MAP2K2: variants seen among roughly 807,000 people sequenced by gnomAD.
MAP2K2 encodes dual specificity mitogen-activated protein kinase kinase 2.
A neutral mutation model predicts 43.7 loss-of-function variants in MAP2K2; 24 were observed. That is an observed-to-expected ratio of 0.55 (90% confidence interval 0.40 to 0.77). The LOEUF is 0.77. Ranked by LOEUF, MAP2K2 falls within the 30% of genes least tolerant of loss-of-function variation. The pLI is 0.00. For missense variants in MAP2K2, 470 were observed against 566.8 expected (o/e 0.83, Z 1.73); for synonymous variants, 244 against 239.7 (o/e 1.02, Z -0.17).
At chr19:4,094,177 G>GCGGGAC (rs976352820) in intron 10 of MAP2K2, among the ~76,000 whole-genome samples, 2 of 152,200 alleles carry the variant, frequency 1.3e-5, no homozygotes, top group Non-Finnish European at 2.9e-5. Flanking sequence ...TCCTGTGGGT[G>GCGGGAC]CGGGACCAGC....
At chr19:4,106,781 T>C (rs2041090096) in intron 3 of MAP2K2, among the ~76,000 whole-genome samples, 1 of 152,264 alleles carries the variant, frequency 6.6e-6, no homozygotes, top group East Asian at 1.9e-4. Context: ...TCCCATTCAG[T>C]ACACCATTGT....
At position 4,106,708 on chromosome 19, in the gene MAP2K2, T is replaced by C. The variant is rs1256490857; in HGVS notation, c.450+3801A>G. ...AACGTGAGCCACTGCACCCAGCCCA[T>C]GCTATGTTTATTTTCTACAACCACC... On this transcript the variant is annotated intron_variant, in intron 3 of 10. Transcript: ENST00000262948. Among the ~76,000 whole-genome samples the C allele has an allele frequency of 3.3e-5, 5 of 152,078 alleles. No individual in the cohort carries two copies. The Middle Eastern group carries it at 0.01, about 310-fold the overall frequency.
At position 4,099,297 on chromosome 19, in the gene MAP2K2, G is replaced by A. The variant is rs145934142; in HGVS notation, c.823C>T (p.Leu275=). The change falls in exon 7 of 11, where the codon CTG becomes TTG. Residue 275 remains leucine, a synonymous_variant. Transcript: ENST00000262948. ...ACGGGCCGGCCAAAGATGGCCTCCA[G>A]CTCTTTGGCGTCGGGCGGGGGGATG... ...YPIPPPDAKE[L]EAIFGRPVVD... 188 of 1,607,452 alleles carry A rather than the reference G, an allele frequency of 1.2e-4. 2 individuals are homozygous for A. The African/African-American group carries it at 1.7e-3, about 14-fold the overall frequency.
chr19:4,111,137 G>A (rs1413268286), intron 2 of MAP2K2, among the ~76,000 whole-genome samples: 2 of 152,170 alleles, frequency 1.3e-5, no homozygotes, highest in Non-Finnish European at 2.9e-5. Flanking sequence ...GCTGGAGGAG[G>A]GGATGGGGGT....
chr19:4,112,490 G>C (rs2041166359), intron 2 of MAP2K2, among the ~76,000 whole-genome samples: 1 of 152,218 alleles, frequency 6.6e-6, no homozygotes, highest in African/African-American at 2.4e-5. Flanking sequence ...AGGGCAGCAG[G>C]AGGCTGACCG....
rs540973402 is a variant in MAP2K2, at chr19:4,100,024, C to A, written c.706-610G>T. On this transcript the variant is annotated intron_variant, in intron 6 of 10. Transcript: ENST00000262948. ...CAGCACTTTGGGAGGCCGAGGCGGGCGGATCACAAGGTCAGATTGAGACCA... is the reference window on the plus strand; with the variant it reads ...CAGCACTTTGGGAGGCCGAGGCGGGAGGATCACAAGGTCAGATTGAGACCA... 280 of 156,322 alleles carry A rather than the reference C, an allele frequency of 1.8e-3. 1 individual carries two copies. Among genetic ancestry groups the A allele is most frequent in the African/African-American group, 6.4e-3 (264 of 41,298 alleles). 9.7% of individuals were successfully genotyped at this position (156,322 alleles called of 1,614,324 possible). A position where few individuals can be genotyped will look rare whatever the true frequency, so the allele number is the denominator to read the frequency against.
chr19:4,090,676 T>G lies in MAP2K2; in HGVS notation c.1125A>C (p.Glu375Asp). The G allele has an allele frequency of 6.4e-7, 1 of 1,559,832 alleles. No homozygotes were observed. Residue 375 changes from glutamate (E) to aspartate (D), a missense_variant, in exon 11 of 11, where the codon GAA becomes GAC. Physicochemically the swap from Glu to Asp is conservative, Grantham distance 45. Around this residue, in one of 3 missense-constraint regions of MAP2K2, gnomAD observed 212 missense variants for 220.8 expected, o/e 0.96. Coordinates refer to ENST00000262948, the MANE Select transcript of MAP2K2 (RefSeq NM_030662.4). Reference sequence around the variant, plus strand: ...ACAACCAGCCGGCAAAATCCACTTCTTCCACCTCGGACCGCTTGATGAAGG... The same window carrying G: ...ACAACCAGCCGGCAAAATCCACTTCGTCCACCTCGGACCGCTTGATGAAGG... ...NHTFIKRSEV[E>D]EVDFAGWLCK... is the part of the protein sequence containing the mutation.
At chr19:4,107,639 G>A (rs1186254427) in intron 3 of MAP2K2, among the ~76,000 whole-genome samples, 1 of 151,942 alleles carries the variant, frequency 6.6e-6, no homozygotes, top group Non-Finnish European at 1.5e-5. Flanking sequence ...CCCAAGAGGT[G>A]GAGGCTGCAG....
chr19:4,105,589 A>C (rs1195149666), intron 3 of MAP2K2, among the ~76,000 whole-genome samples: 1 of 151,974 alleles, frequency 6.6e-6, no homozygotes, highest in Non-Finnish European at 1.5e-5. Flanking sequence ...TTTTCTTATA[A>C]AAAATTCAAA....
intron 3 of MAP2K2, among the ~76,000 whole-genome samples, chr19:4,110,172 C>T (rs1382492008): frequency 6.6e-6 from 1 of 151,892 alleles, no homozygotes; most frequent in African/African-American, 2.4e-5. Context: ...GGAGTGGTGG[C>T]GGGCGCCTGT....
Position 4,115,016 on chromosome 19 carries a change from G to A in MAP2K2, c.303+2403C>T, listed in dbSNP as rs2041202596. On this transcript the variant is annotated intron_variant, in intron 2 of 10. Transcript: ENST00000262948. This position sits in a 1 kb window ranked among gnomAD's most constrained non-coding sequence, Gnocchi z 4.1. ...CCCTACCTGCATAGCAGCCAGAGCC[G>A]CTGAGCCCACGAGCTCAATGCATCC... 6.6e-6 allele frequency among the ~76,000 whole-genome samples: 1 copy of A among 152,192 alleles called. No homozygotes were observed.
intron 3 of MAP2K2, chr19:4,103,519 TAG>T (rs1491333731): frequency 6.5e-6 from 1 of 153,364 alleles, no homozygotes; most frequent in African/African-American, 2.4e-5. Flanking sequence ...GAACTGAGGC[TAG>T]AGAGGGCGGG....
intron 6 of MAP2K2, chr19:4,099,994 A>G (rs561736477): frequency 2.5e-5 from 4 of 163,228 alleles, no homozygotes; most frequent in Non-Finnish European, 4.0e-5. Context: ...TCACGCCTGT[A>G]ATCCCAGCAC....
intron 10 of MAP2K2, 139 bp downstream of exon 10, chr19:4,094,303 TCCTCGGCGTGG>T (rs1291965752): frequency 1.3e-6 from 1 of 783,630 alleles, no homozygotes; most frequent in African/African-American, 1.7e-5. Flanking sequence ...CCACAGAGGG[TCCTCGGCGTGG>T]CCTGGCACAC....
rs956474377 is a variant in MAP2K2, at chr19:4,101,589, G to A, written c.529-309C>T. Among the ~76,000 whole-genome samples, 9 of 152,170 alleles carry A rather than the reference G, an allele frequency of 5.9e-5. No homozygotes were observed. Among genetic ancestry groups the A allele is most frequent in the African/African-American group, 9.6e-5 (4 of 41,452 alleles). Reference sequence around the variant, plus strand: ...AAGCTGAGATGGTGGCCCATGGCCCGGGAGTAGGCTGGGCTGCCGAGTTTG... The same window carrying A: ...AAGCTGAGATGGTGGCCCATGGCCCAGGAGTAGGCTGGGCTGCCGAGTTTG... On this transcript the variant is annotated intron_variant, in intron 4 of 10. Coordinates refer to ENST00000262948, the MANE Select transcript of MAP2K2 (RefSeq NM_030662.4). The surrounding 1 kb of genome is among the most constrained non-coding windows in gnomAD (Gnocchi z 6.3).
In MAP2K2 at chr19:4,115,613, G is replaced by A. The variant is rs532514041; in HGVS notation, c.303+1806C>T. On this transcript the variant is annotated intron_variant, in intron 2 of 10. Transcript: ENST00000262948. The surrounding 1 kb of genome is among the most constrained non-coding windows in gnomAD (Gnocchi z 4.1). ...ACGGGGACAGAAATAGCAAGTCCGC[G>A]GCTGCACACTTCAGGAGGGAGGGAG... Among the ~76,000 whole-genome samples, 25 of 152,282 alleles carry A rather than the reference G, an allele frequency of 1.6e-4. No homozygotes were observed. The highest frequency in any genetic ancestry group is 5.5e-4 in the African/African-American group (23 of 41,556).
rs2145070393 is a variant in MAP2K2, at chr19:4,110,653, C to T, written c.306G>A (p.Leu102=). 1 of 1,612,116 alleles carries T rather than the reference C, an allele frequency of 6.2e-7. No homozygotes were observed. Among genetic ancestry groups the T allele is most frequent in the Middle Eastern group, 1.7e-4 (1 of 6,058 alleles). The change falls in exon 3 of 11, where the codon CTG becomes CTA. Residue 102 remains leucine (L), a splice_region_variant and synonymous_variant. Transcript: ENST00000262948. ...RPSGLIMARK[L]IHLEIKPAIR... ...TGGCCGGCTTGATCTCAAGGTGGAT[C>T]AGCTGCAAGGGGAGAGGGGCGAGAC...
chr19:4,114,775 C>G (rs888989684), intron 2 of MAP2K2, among the ~76,000 whole-genome samples: 5 of 151,978 alleles, frequency 3.3e-5, no homozygotes, highest in Admixed American at 2.6e-4. Context: ...ATGGTGAAAC[C>G]CCGTCTCTAC....
rs75688679 is a variant in MAP2K2 at position 4,096,128 on chromosome 19, G to A, written c.985-679C>T. Among the ~76,000 whole-genome samples the A allele has an allele frequency of 1.9e-3, 286 of 152,338 alleles. 1 individual carries two copies. The highest frequency in any genetic ancestry group is 6.3e-3 in the African/African-American group (261 of 41,572). On this transcript the variant is annotated intron_variant, in intron 8 of 10. Coordinates refer to ENST00000262948, the MANE Select transcript of MAP2K2 (RefSeq NM_030662.4). ...CACTGGGGAGCCTGGCCTGACACAC[G>A]TCCCCGGAGCGGGAGTGGCCGTGTA...
Sources: gnomAD v4.1 joint callset for allele counts (sites outside exome capture counted in the v4.1 genomes callset) on GRCh38, gnomAD v4.1.1 for gene constraint, gnomAD v4.1.1 regional missense constraint, Gnocchi (gnomAD v3.1) non-coding constraint, MANE v1.5 for transcripts, NCBI Gene and HGNC (gene_info 2026-07-23, HGNC 2026-07-21) for gene names.